Variants in KIF3B observed in about 807,000 individuals in gnomAD.
The protein encoded by KIF3B is kinesin family member 3B, also known as kinesin-like protein KIF3B.
In KIF3B, 38 loss-of-function variants were observed where a neutral mutation model predicts 74.3. The ratio of observed to expected loss-of-function variants is 0.51; its 90% CI spans 0.39 to 0.67. The LOEUF (loss-of-function observed/expected upper bound fraction) is 0.67, where lower values mean the gene tolerates loss of function less well. KIF3B is among the 30% of genes least tolerant of loss of function. The pLI is 0.00. For missense variants in KIF3B, 649 were observed against 932.0 expected (o/e 0.70, Z 3.95); for synonymous variants, 326 against 342.5 (o/e 0.95, Z 0.53).
chr20:32,296,848 A>G (rs2047719563), intron 1 of KIF3B, among the ~76,000 whole-genome samples: 1 of 152,152 alleles, frequency 6.6e-6, no homozygotes, highest in Non-Finnish European at 1.5e-5. Context: ...ATCTTGTTTT[A>G]AAAAGTGTGT....
chr20:32,300,648 A>G (rs890781668), intron 1 of KIF3B, among the ~76,000 whole-genome samples: 1 of 152,026 alleles, frequency 6.6e-6, no homozygotes, highest in African/African-American at 2.4e-5. Context: ...TCCTGGCCAC[A>G]AAGAATCCTC....
At chr20:32,283,192 G>T (rs531076537) in intron 1 of KIF3B, among the ~76,000 whole-genome samples, 1 of 151,848 alleles carries the variant, frequency 6.6e-6, no homozygotes, top group Admixed American at 6.6e-5. Flanking sequence ...ATGTACTGTC[G>T]TGCCTGGCTA....
chr20:32,299,063 T>G (rs1453279373), intron 1 of KIF3B, among the ~76,000 whole-genome samples: 1 of 152,128 alleles, frequency 6.6e-6, no homozygotes, highest in African/African-American at 2.4e-5. Flanking sequence ...CAGCTTTGTT[T>G]CTCACTCAGC....
intron 5 of KIF3B, among the ~76,000 whole-genome samples, chr20:32,323,106 A>ATATT (rs1173290411): frequency 3.3e-4 from 38 of 114,244 alleles, no homozygotes; most frequent in Non-Finnish European, 5.0e-4. Flanking sequence ...ATATATTTAT[A>ATATT]TATATTTATA....
At position 32,310,629 on chromosome 20, in the gene KIF3B, C is replaced by A. The variant is rs149299393; in HGVS notation, c.852C>A (p.Asp284Glu). The change falls in exon 2 of 9, where the codon GAC becomes GAA. Residue 284 changes from aspartate (D) to glutamate (E), a missense_variant. By Grantham distance (45) the Asp-to-Glu change is conservative. This residue lies in a region of KIF3B where 363 missense variants were observed against 592.8 expected (regional missense o/e 0.61). Coordinates refer to ENST00000375712, the MANE Select transcript of KIF3B (RefSeq NM_004798.4). The surrounding 1 kb of genome is among the most constrained non-coding windows in gnomAD (Gnocchi z 6.5). ...GTAATGTCATCTCTGCTCTAGTGGA[C>A]GGCAAAAGCACTCACATTCCATATC... ...ALGNVISALV[D>E]GKSTHIPYRD... is the part of the protein sequence containing the mutation. The A allele has an allele frequency of 6.2e-7, 1 of 1,614,090 alleles. No individual in the cohort carries two copies. Among genetic ancestry groups the A allele is most frequent in the East Asian group, 2.2e-5 (1 of 44,868 alleles).
Position 32,331,325 on chromosome 20 carries a change from G to C in KIF3B, c.*6G>C. On this transcript the variant is annotated 3_prime_UTR_variant, in exon 9 of 9. Transcript: ENST00000375712. ...GGGGGCTGGTTCCAAAGTAAAGCCA[G>C]CTTCTCCTCTCCCAGGGCGGAAACA... 2 of 1,601,384 alleles carry C rather than the reference G, an allele frequency of 1.2e-6. No individual in the cohort carries two copies. Among genetic ancestry groups the C allele is most frequent in the East Asian group, 2.2e-5 (1 of 44,708 alleles).
intron 1 of KIF3B, among the ~76,000 whole-genome samples, chr20:32,304,616 C>T (rs2047760319): frequency 6.6e-6 from 1 of 152,094 alleles, no homozygotes; most frequent in African/African-American, 2.4e-5. Flanking sequence ...AATAAAGCAG[C>T]TCTGTATTTA....
intron 1 of KIF3B, among the ~76,000 whole-genome samples, chr20:32,282,157 G>T (rs906495323): frequency 6.6e-6 from 1 of 152,164 alleles, no homozygotes. Flanking sequence ...TGGCAGCCAG[G>T]AGGCTAGTTA....
At chr20:32,284,097 T>G (rs892313955) in intron 1 of KIF3B, among the ~76,000 whole-genome samples, 13 of 151,114 alleles carry the variant, frequency 8.6e-5, no homozygotes, top group Admixed American at 4.6e-4. Flanking sequence ...AAAAAAAAAA[T>G]TTTTGTTTTT....
At chr20:32,318,915 A>G (rs1445514586) in intron 5 of KIF3B, among the ~76,000 whole-genome samples, 1 of 151,002 alleles carries the variant, frequency 6.6e-6, no homozygotes, top group Non-Finnish European at 1.5e-5. Context: ...TGTTTGCCAC[A>G]GTGGCTGCAC....
intron 1 of KIF3B, among the ~76,000 whole-genome samples, chr20:32,289,564 G>A (rs2047681836): frequency 6.6e-6 from 1 of 152,148 alleles, no homozygotes; most frequent in Admixed American, 6.5e-5. Context: ...CCTCAGATAA[G>A]CTACAGTATT....
At chr20:32,316,463 C>A in intron 3 of KIF3B, 64 bp from the exon 4 acceptor site, 2 of 1,605,426 alleles carry the variant, frequency 1.2e-6, no homozygotes, top group East Asian at 4.5e-5. Context: ...CTGATCCTAG[C>A]TTGGGGAACC....
intron 5 of KIF3B, among the ~76,000 whole-genome samples, chr20:32,322,714 ATATTTATATTTATT>A (rs1212449715): frequency 2.9e-5 from 2 of 67,872 alleles, no homozygotes; most frequent in South Asian, 4.4e-4. Flanking sequence ...ATATTTATAT[ATATTTATATTTATT>A]TATTTATATA....
intron 1 of KIF3B, among the ~76,000 whole-genome samples, chr20:32,296,421 G>A (rs2047717397): frequency 6.6e-6 from 1 of 152,066 alleles, no homozygotes; most frequent in African/African-American, 2.4e-5. Flanking sequence ...TGGCCATGGC[G>A]AAACCCTTTC....
rs144232263 is a variant in KIF3B, at chr20:32,319,642, A to G, written c.1748+2768A>G. Reference sequence around the variant, plus strand: ...GCTCTGTCATCCAGGCTGGAATGCAATGGCGTGAACTTGACTCATTGCAAC... The same window carrying G: ...GCTCTGTCATCCAGGCTGGAATGCAGTGGCGTGAACTTGACTCATTGCAAC... On this transcript the variant is annotated intron_variant, in intron 5 of 8. Transcript: ENST00000375712. 1.0e-3 allele frequency among the ~76,000 whole-genome samples: 139 copies of G among 139,420 alleles called. 1 individual carries two copies. In the East Asian group the frequency reaches 0.029, roughly 29 times the overall value. The allele number at this position is 139,420 out of a possible 152,430, so 91.5% of individuals were successfully genotyped here.
At chr20:32,290,049 C>T (rs2047684178) in intron 1 of KIF3B, among the ~76,000 whole-genome samples, 1 of 152,116 alleles carries the variant, frequency 6.6e-6, no homozygotes, top group African/African-American at 2.4e-5. Flanking sequence ...TCCCATTTTA[C>T]AGATGAGGAA....
chr20:32,319,591 T>A (rs544329072), intron 5 of KIF3B, among the ~76,000 whole-genome samples: 9 of 142,792 alleles, frequency 6.3e-5, no homozygotes, highest in Admixed American at 4.2e-4. Context: ...TGTTTTTTTT[T>A]TTTTTTTTTT....
At chr20:32,308,659 C>G (rs1169731903) in intron 1 of KIF3B, among the ~76,000 whole-genome samples, 1 of 152,134 alleles carries the variant, frequency 6.6e-6, no homozygotes, top group Non-Finnish European at 1.5e-5. Flanking sequence ...GATCCATCCA[C>G]CTCGTTCTCC....
At position 32,310,468 on chromosome 20, in the gene KIF3B, G is replaced by A. The variant is rs1018945730; in HGVS notation, c.691G>A (p.Asp231Asn). The A allele has an allele frequency of 8.7e-6, 14 of 1,613,902 alleles. 1 individual carries two copies. The highest frequency in any genetic ancestry group is 3.3e-5 in the South Asian group (3 of 91,074). Residue 231 changes from aspartate (D) to asparagine (N), a missense_variant, in exon 2 of 9, where the codon GAT (aspartate) becomes AAT (asparagine). This residue lies in a region of KIF3B where 363 missense variants were observed against 592.8 expected (regional missense o/e 0.61). Coordinates refer to ENST00000375712, the MANE Select transcript of KIF3B (RefSeq NM_004798.4). This position sits in a 1 kb window ranked among gnomAD's most constrained non-coding sequence, Gnocchi z 6.5. ...ITIECSEVGL[D>N]GENHIRVGKL... Reference sequence around the variant, plus strand: ...TATTGAGTGCAGCGAGGTGGGCCTCGATGGTGAAAACCACATCCGTGTAGG... The same window carrying A: ...TATTGAGTGCAGCGAGGTGGGCCTCAATGGTGAAAACCACATCCGTGTAGG...
Sources: allele counts gnomAD v4.1 joint callset (sites outside exome capture counted in the v4.1 genomes callset), GRCh38; gene constraint gnomAD v4.1.1; regional missense constraint gnomAD v4.1.1; non-coding constraint Gnocchi (gnomAD v3.1); transcripts MANE v1.5; gene names NCBI Gene and HGNC (gene_info 2026-07-23, HGNC 2026-07-21).